GTF2A1: variants seen among roughly 807,000 people sequenced by gnomAD.
GTF2A1 encodes the protein general transcription factor IIA subunit 1.
A neutral mutation model predicts 54.1 loss-of-function variants in GTF2A1; 12 were observed. The observed-to-expected ratio is 0.22, with a 90% confidence interval of 0.14 to 0.36. GTF2A1 has a LOEUF of 0.36. Among genes scored for constraint, GTF2A1 ranks in the 10% least tolerant of loss-of-function variants. The pLI, the probability that GTF2A1 is intolerant of heterozygous loss-of-function variation, is 1.00. For missense variants in GTF2A1, 335 were observed against 442.2 expected, an observed-to-expected ratio of 0.76 and a Z score of 2.17; for synonymous variants, 145 against 152.0, an observed-to-expected ratio of 0.95 and a Z score of 0.34.
At chr14:81,213,559 A>C (rs935054628) in intron 2 of GTF2A1, among the ~76,000 whole-genome samples, 1 of 152,212 alleles carries the variant, frequency 6.6e-6, no homozygotes, top group South Asian at 2.1e-4. Context: ...TTATAAAAGT[A>C]TAACATAAAT....
chr14:81,202,927 A>G, intron 3 of GTF2A1: 2 of 391,500 alleles, frequency 5.1e-6, no homozygotes, highest in Admixed American at 3.3e-5. Flanking sequence ...AAAATAACCC[A>G]AATACTCTTC....
intron 8 of GTF2A1, among the ~76,000 whole-genome samples, chr14:81,181,532 T>C: frequency 6.6e-6 from 1 of 152,068 alleles, no homozygotes; most frequent in East Asian, 1.9e-4. Flanking sequence ...GCTCAACAGG[T>C]ATAGATATTT....
At chr14:81,207,941 C>T (rs1893277890) in intron 2 of GTF2A1, among the ~76,000 whole-genome samples, 1 of 152,130 alleles carries the variant, frequency 6.6e-6, no homozygotes, top group Admixed American at 6.5e-5. Context: ...AGAAGCATTC[C>T]GTTTTAAAAG....
chr14:81,196,838 C>A (rs1893002879), intron 5 of GTF2A1, among the ~76,000 whole-genome samples: 1 of 152,082 alleles, frequency 6.6e-6, no homozygotes, highest in African/African-American at 2.4e-5. Flanking sequence ...GCAAGACAAG[C>A]CCCTAATTTC....
At chr14:81,192,436 C>A in intron 7 of GTF2A1, 83 bp downstream of exon 7, 1 of 1,018,524 alleles carries the variant, frequency 9.8e-7, no homozygotes, top group Non-Finnish European at 1.5e-6. Context: ...CTGAAAAAAA[C>A]AGGATATAAT....
chr14:81,199,744 A>C (rs922031689), intron 4 of GTF2A1, among the ~76,000 whole-genome samples: 2 of 151,860 alleles, frequency 1.3e-5, no homozygotes, highest in African/African-American at 4.9e-5. Context: ...AAGGAGACTT[A>C]ACCAGTAAGT....
intron 8 of GTF2A1, among the ~76,000 whole-genome samples, chr14:81,181,821 C>T (rs1196211337): frequency 2.0e-5 from 3 of 152,140 alleles, no homozygotes; most frequent in Non-Finnish European, 2.9e-5. Context: ...GGATTACAGG[C>T]GTGAGCCACT....
intron 6 of GTF2A1, among the ~76,000 whole-genome samples, chr14:81,195,404 C>A (rs1474695307): frequency 1.3e-5 from 2 of 151,412 alleles, no homozygotes; most frequent in African/African-American, 2.4e-5. Context: ...GAGGCCGAGG[C>A]GGGTGGATCA....
At chr14:81,191,034 G>A (rs1476644274) in intron 7 of GTF2A1, among the ~76,000 whole-genome samples, 1 of 152,076 alleles carries the variant, frequency 6.6e-6, no homozygotes, top group East Asian at 1.9e-4. Flanking sequence ...GAGGAAACGG[G>A]CAAGAGACCT....
At chr14:81,195,152 AAAG>A (rs1351489876) in intron 6 of GTF2A1, among the ~76,000 whole-genome samples, 2 of 151,548 alleles carry the variant, frequency 1.3e-5, no homozygotes, top group African/African-American at 2.4e-5. Context: ...AAAAAAAAAA[AAAG>A]ATGACTATAA....
At chr14:81,202,194 C>T (rs1295780795) in intron 3 of GTF2A1, among the ~76,000 whole-genome samples, 2 of 151,978 alleles carry the variant, frequency 1.3e-5, no homozygotes, top group Admixed American at 1.3e-4. Context: ...AGTGAGTTAC[C>T]TTAACATCTA....
intron 8 of GTF2A1, among the ~76,000 whole-genome samples, chr14:81,182,474 C>T (rs1892659911): frequency 6.6e-6 from 1 of 152,132 alleles, no homozygotes; most frequent in Admixed American, 6.5e-5. Context: ...TTTTCTACCA[C>T]AAATCTCAGA....
chr14:81,205,705 C>T (rs908441396), intron 2 of GTF2A1, among the ~76,000 whole-genome samples: 4 of 152,214 alleles, frequency 2.6e-5, no homozygotes, highest in African/African-American at 9.7e-5. Flanking sequence ...GGGGAACCAA[C>T]TGAATAAGAT....
Position 81,192,835 on chromosome 14 carries a change from A to C in GTF2A1, c.617T>G (p.Leu206Arg). 1 of 1,592,464 alleles carries C rather than the reference A, an allele frequency of 6.3e-7. No individual in the cohort carries two copies. Among genetic ancestry groups the C allele is most frequent in the Non-Finnish European group, 8.6e-7 (1 of 1,162,322 alleles). The change falls in exon 7 of 9, where the codon CTG (leucine) becomes CGG (arginine). Residue 206 changes from leucine to arginine, a missense_variant. Transcript: ENST00000553612. ...TGAAATCCCTCCAGGAAGAGGAGCCAGCACCTAAAGCAAAAGAAAACCACA... is the reference window on the plus strand; with the variant it reads ...TGAAATCCCTCCAGGAAGAGGAGCCCGCACCTAAAGCAAAAGAAAACCACA... ...GVQAPVIQQV[L>R]APLPGGISPQ... is the part of the protein sequence containing the mutation.
chr14:81,219,548 T>C (rs1408082197), intron 1 of GTF2A1, among the ~76,000 whole-genome samples: 1 of 152,168 alleles, frequency 6.6e-6, no homozygotes, highest in African/African-American at 2.4e-5. Context: ...GCAGCCATGA[T>C]GGTTAGACCC....
chr14:81,180,408 C>T (rs1206675124), intron 8 of GTF2A1, 78 bp from the exon 9 acceptor site: 1 of 733,050 alleles, frequency 1.4e-6, no homozygotes, highest in Admixed American at 2.1e-5. Context: ...AACCCATACA[C>T]ACACACACGT....
chr14:81,204,286 C>G, intron 2 of GTF2A1, 182 bp from the exon 3 acceptor site: 2 of 739,650 alleles, frequency 2.7e-6, no homozygotes, highest in South Asian at 2.8e-5. Context: ...TTTAAAGTAT[C>G]AAACCTCATT....
chr14:81,220,896 CT>C lies in GTF2A1; in HGVS notation c.-379del. 1 of 223,178 alleles carries C rather than the reference CT, an allele frequency of 4.5e-6. No individual in the cohort carries two copies. The highest frequency in any genetic ancestry group is 8.7e-6 in the Non-Finnish European group (1 of 114,522). 13.8% of individuals were successfully genotyped at this position (223,178 alleles called of 1,614,324 possible). A position where few individuals can be genotyped will look rare whatever the true frequency, so the allele number is the denominator to read the frequency against. On this transcript the variant is annotated 5_prime_UTR_variant, in exon 1 of 9. Coordinates refer to ENST00000553612, the MANE Select transcript of GTF2A1 (RefSeq NM_015859.4). ...GCCGTCCGGTCCGCCCGCTTCTCTCCTTTATATAGCGAGCCAACAAGCTGCG... is the reference window on the plus strand; with the variant it reads ...GCCGTCCGGTCCGCCCGCTTCTCTCCTTATATAGCGAGCCAACAAGCTGCG...
Position 81,178,083 on chromosome 14 carries a change from T to A in GTF2A1, c.*2140A>T, listed in dbSNP as rs1259962990. ...TGTTAATATTTGAAAAATAAAGTTA[T>A]AAAAACAGGCCAGTATACAACACTA... On this transcript the variant is annotated 3_prime_UTR_variant, in exon 9 of 9. Coordinates refer to ENST00000553612, the MANE Select transcript of GTF2A1 (RefSeq NM_015859.4). 6.6e-6 allele frequency: 1 copy of A among 152,042 alleles called. No homozygotes were observed. The allele number at this position is 152,042 out of a possible 1,614,324, so 9.4% of individuals were successfully genotyped here. A position where few individuals can be genotyped will look rare whatever the true frequency, so the allele number is the denominator to read the frequency against.
Sources: gnomAD v4.1 joint callset for allele counts (sites outside exome capture counted in the v4.1 genomes callset) on GRCh38, gnomAD v4.1.1 for gene constraint, MANE v1.5 for transcripts, NCBI Gene and HGNC (gene_info 2026-07-23, HGNC 2026-07-21) for gene names.